The following NPHS1 variants were observed in gnomAD, a reference collection of about 807,000 sequenced individuals.
NPHS1 encodes the protein nephrin.
In NPHS1, 107 loss-of-function variants were observed where a neutral mutation model predicts 139.7. The observed-to-expected ratio is 0.77, with a 90% CI of 0.66 to 0.90. NPHS1 has a LOEUF of 0.90. Ranked by LOEUF, NPHS1 falls within the 40% of genes least tolerant of loss-of-function variation. NPHS1 has a pLI of 0.00. For missense variants in NPHS1, 1,580 were observed against 1,654.2 expected, an observed-to-expected ratio of 0.96 and a Z score of 0.78; for synonymous variants, 707 against 706.6, an observed-to-expected ratio of 1.00 and a Z score of -0.01.
chr19:35,838,853 A>T (rs1973014077), intron 22 of NPHS1, among the ~76,000 whole-genome samples: 1 of 152,182 alleles, frequency 6.6e-6, no homozygotes, highest in Non-Finnish European at 1.5e-5. Flanking sequence ...ATCTCAAAAA[A>T]ATAAAAAAAA....
Position 35,839,418 on chromosome 19 carries a change from C to A in NPHS1, c.2928G>T (p.Arg976Ser), listed in dbSNP as rs138656762. The A allele has an allele frequency of 4.8e-5, 77 of 1,614,112 alleles. No individual in the cohort carries two copies. Among genetic ancestry groups the A allele is most frequent in the Admixed American group, 1.3e-4 (8 of 60,024 alleles). The stretch of plus-strand genomic sequence containing the variant: ...ACCCTGGAGTCCCCAGGGCCTCATA[C>A]CTGCAGGACAGGGGGATAGTAAATT... ...DGGLPQRFCI[R>S]YEALGTPGFH... The change falls in exon 22 of 29, where the codon AGG (arginine) becomes AGT (serine). Residue 976 changes from arginine (R) to serine (S), a missense_variant and splice_region_variant. Transcript: ENST00000378910.
At position 35,849,347 on chromosome 19, in the gene NPHS1, A is replaced by G. The variant is rs1267731770; in HGVS notation, c.729T>C (p.Pro243=). The G allele has an allele frequency of 6.2e-7, 1 of 1,612,266 alleles. No individual in the cohort carries two copies. Among genetic ancestry groups the G allele is most frequent in the Non-Finnish European group, 8.5e-7 (1 of 1,179,852 alleles). ...TVNVLFPPGP[P]VIEWPGLDEG... is the part of the protein sequence containing the mutation. Reference sequence around the variant, plus strand: ...CATCCAGGCCTGGCCACTCGATGACAGGGGGTCCTGGAGGGACTGGGGGAT... The same window carrying G: ...CATCCAGGCCTGGCCACTCGATGACGGGGGGTCCTGGAGGGACTGGGGGAT... The change falls in exon 7 of 29, where the codon CCT becomes CCC. Residue 243 remains proline (P), a synonymous_variant. Transcript: ENST00000378910.
rs772461570 is a variant in NPHS1, at chr19:35,848,115, G to A, written c.1366C>T (p.Arg456Trp). ...IEGPPEGQKL[R>W]AGTRVRLVCL... ...ACCAGCCTCACCCGGGTCCCAGCCC[G>A]GAGCTTCTGGCCCTCTGGGGGACCC... The change falls in exon 11 of 29, where the codon CGG becomes TGG. Residue 456 changes from arginine (R) to tryptophan (W), a missense_variant. Arg to Trp is a moderately radical substitution (Grantham distance 101). Coordinates refer to ENST00000378910, the MANE Select transcript of NPHS1 (RefSeq NM_004646.4). 6.2e-6 allele frequency: 10 copies of A among 1,613,916 alleles called. No individual in the cohort carries two copies. Among genetic ancestry groups the A allele is most frequent in the East Asian group, 2.2e-5 (1 of 44,890 alleles).
rs2146818962 is a variant in NPHS1, at chr19:35,841,767, T to C, written c.2763A>G (p.Thr921=). ...AAQDYALFTC[T]ATNALGSDQT... ...GGTCCGAGCCAAGGGCGTTGGTGGC[T>C]GTACATGTGAAGAGGGCGTAATCCT... Residue 921 remains threonine (T), a synonymous_variant, in exon 20 of 29, where the codon ACA becomes ACG. Coordinates refer to ENST00000378910, the MANE Select transcript of NPHS1 (RefSeq NM_004646.4). The C allele has an allele frequency of 6.2e-7, 1 of 1,614,132 alleles. No homozygotes were observed. The highest frequency in any genetic ancestry group is 8.5e-7 in the Non-Finnish European group (1 of 1,180,040).
At chr19:35,850,902 A>G in intron 4 of NPHS1, 59 bp downstream of exon 4, 1 of 1,604,688 alleles carries the variant, frequency 6.2e-7, no homozygotes, top group Non-Finnish European at 8.5e-7. Flanking sequence ...AGGAACACAC[A>G]CCCTTCCCAC....
In NPHS1 at chr19:35,852,246, T is replaced by C. The variant is rs1158191647; in HGVS notation, c.-409A>G. On this transcript the variant is annotated 5_prime_UTR_variant, in exon 1 of 29. Coordinates refer to ENST00000378910, the MANE Select transcript of NPHS1 (RefSeq NM_004646.4). Reference sequence around the variant, plus strand: ...GCCCAGTCTCTTTATCTTTCCATCTTTCTCTCCTTGTCTAAGCCGTTCTCT... The same window carrying C: ...GCCCAGTCTCTTTATCTTTCCATCTCTCTCTCCTTGTCTAAGCCGTTCTCT... 6.6e-6 allele frequency among the ~76,000 whole-genome samples: 1 copy of C among 151,784 alleles called. No homozygotes were observed. Among genetic ancestry groups the C allele is most frequent in the Non-Finnish European group, 1.5e-5 (1 of 67,922 alleles).
rs758318599 is a variant in NPHS1 at position 35,830,862 on chromosome 19, G to C, written c.3576C>G (p.Leu1192=). 2.5e-6 allele frequency: 4 copies of C among 1,609,738 alleles called. No homozygotes were observed. Among genetic ancestry groups the C allele is most frequent in the Non-Finnish European group, 3.4e-6 (4 of 1,175,956 alleles). The change falls in exon 28 of 29, where the codon CTC becomes CTG. Residue 1192 remains leucine (L), a synonymous_variant. Transcript: ENST00000378910. ...TYPPSGAWGP[L]YDEVQMGPWD... is the part of the protein sequence containing the mutation. ...TTCTCACCATCTGCACTTCATCGTA[G>C]AGGGGTCCCCAGGCTCCAGACGGGG... is the stretch of plus-strand genomic sequence containing the variant.
intron 28 of NPHS1, among the ~76,000 whole-genome samples, chr19:35,827,938 A>T (rs1972819836): frequency 6.6e-6 from 1 of 152,124 alleles, no homozygotes; most frequent in African/African-American, 2.4e-5. Context: ...AATAAATAAA[A>T]TTTTTAAAAA....
At chr19:35,828,915 C>CCGGTAT in intron 28 of NPHS1, among the ~76,000 whole-genome samples, 1 of 152,170 alleles carries the variant, frequency 6.6e-6, no homozygotes, top group East Asian at 1.9e-4. Context: ...GACAACAGTC[C>CCGGTAT]CGGTATCGGA....
intron 8 of NPHS1, 25 bp from the exon 9 acceptor site, chr19:35,848,819 C>G: frequency 1.2e-6 from 2 of 1,614,158 alleles, no homozygotes; most frequent in South Asian, 1.1e-5. Flanking sequence ...AAGGAAGACA[C>G]TAAGCTGGGC....
Position 35,833,630 on chromosome 19 carries a change from C to T in NPHS1, c.3167-1868G>A, listed in dbSNP as rs73594460. Among the ~76,000 whole-genome samples the T allele has an allele frequency of 9.2e-3, 1,406 of 152,186 alleles. 17 individuals carry two copies. Among genetic ancestry groups the T allele is most frequent in the African/African-American group, 0.031 (1,306 of 41,542 alleles). ...AGTTGAGAGAGGGTGAGAAACAGAT[C>T]GCTGGTGAGATTTTTGAGCACCTGA... On this transcript the variant is annotated intron_variant, in intron 23 of 28. Coordinates refer to ENST00000378910, the MANE Select transcript of NPHS1 (RefSeq NM_004646.4).
At position 35,848,365 on chromosome 19, in the gene NPHS1, G is replaced by T. The variant is rs757402556; in HGVS notation, c.1203C>A (p.Asn401Lys). The T allele has an allele frequency of 6.2e-7, 1 of 1,614,012 alleles. No homozygotes were observed. Among genetic ancestry groups the T allele is most frequent in the African/African-American group, 1.3e-5 (1 of 74,896 alleles). Residue 401 changes from asparagine (N) to lysine (K), a missense_variant, in exon 10 of 29, where the codon AAC becomes AAA. By Grantham distance (94) the Asn-to-Lys change is moderately conservative. Coordinates refer to ENST00000378910, the MANE Select transcript of NPHS1 (RefSeq NM_004646.4). ...CCTCCCGCCGCGCCAGGAATGTCAG[G>T]TTGGACATGGAGATGTGACCGCCAT... is the stretch of plus-strand genomic sequence containing the variant. ...GLHGGHISMS[N>K]LTFLARREDN...
rs1973182432 is a variant in NPHS1 at position 35,848,728 on chromosome 19, G to C, written c.1079C>G (p.Ser360Cys). ...SQTENKNVTL[S>C]CVSKSSRPRV... Reference sequence around the variant, plus strand: ...CGGGCGACTGGACTTGCTGACACAGGAGAGTGTCACGTTCTTGTTCTCAGT... The same window carrying C: ...CGGGCGACTGGACTTGCTGACACAGCAGAGTGTCACGTTCTTGTTCTCAGT... The change falls in exon 9 of 29, where the codon TCC (serine) becomes TGC (cysteine). Residue 360 changes from serine to cysteine, a missense_variant. Coordinates refer to ENST00000378910, the MANE Select transcript of NPHS1 (RefSeq NM_004646.4). 6.2e-7 allele frequency: 1 copy of C among 1,614,038 alleles called. No individual in the cohort carries two copies. The highest frequency in any genetic ancestry group is 1.3e-5 in the African/African-American group (1 of 74,920).
rs778497725 is a variant in NPHS1 at position 35,839,376 on chromosome 19, G to A, written c.2970C>T (p.Val990=). The change falls in exon 22 of 29, where the codon GTC becomes GTT. Residue 990 remains valine (V), a synonymous_variant. Transcript: ENST00000378910. ...LGTPGFHYVD[V]VPPQATTFTL... The stretch of plus-strand genomic sequence containing the variant: ...TGAAGGTGGTGGCCTGGGGTGGTAC[G>A]ACATCCACATAGTGGAACCCTGGAG... 1.7e-5 allele frequency: 27 copies of A among 1,614,154 alleles called. No homozygotes were observed. The highest frequency in any genetic ancestry group is 8.8e-5 in the South Asian group (8 of 91,082).
At position 35,851,108 on chromosome 19, in the gene NPHS1, G is replaced by A. The variant is rs2146831394; in HGVS notation, c.398-19C>T. 6.2e-7 allele frequency: 1 copy of A among 1,614,090 alleles called. No homozygotes were observed. On this transcript the variant is annotated intron_variant, in intron 3 of 28. Transcript: ENST00000378910. Reference sequence around the variant, plus strand: ...GGAGGAACTGGTGAGAGAAGGGTCTGGGGTAAGCTTCCAGCACTGAGAAGG... The same window carrying A: ...GGAGGAACTGGTGAGAGAAGGGTCTAGGGTAAGCTTCCAGCACTGAGAAGG...
At chr19:35,839,076 A>G (rs1973016775) in intron 22 of NPHS1, among the ~76,000 whole-genome samples, 161 bp downstream of exon 22, 1 of 152,138 alleles carries the variant, frequency 6.6e-6, no homozygotes, top group South Asian at 2.1e-4. Flanking sequence ...CTGAGTTTCA[A>G]TCTCATCTTT....
Position 35,831,707 on chromosome 19 carries a change from G to A in NPHS1, c.3222C>T (p.Leu1074=). The A allele has an allele frequency of 6.3e-7, 1 of 1,599,772 alleles. No homozygotes were observed. Among genetic ancestry groups the A allele is most frequent in the South Asian group, 1.1e-5 (1 of 89,066 alleles). The change falls in exon 24 of 29, where the codon CTC becomes CTT. Residue 1074 remains leucine (L), a synonymous_variant. Coordinates refer to ENST00000378910, the MANE Select transcript of NPHS1 (RefSeq NM_004646.4). ...CCCCGACACAGGAGGCATTGGAGAG[G>A]AGCAGAAGCCCCCCAAGAGCGAACA... ...PVLFALGGLL[L]LSNASCVGGV... is the part of the protein sequence containing the mutation.
At chr19:35,846,431 G>T (rs897269159) in intron 11 of NPHS1, among the ~76,000 whole-genome samples, 3 of 152,168 alleles carry the variant, frequency 2.0e-5, no homozygotes, top group African/African-American at 7.2e-5. Flanking sequence ...GGCAGTTTTG[G>T]GGATCTGAAT....
At chr19:35,851,196 C>A in intron 3 of NPHS1, 66 bp downstream of exon 3, 2 of 1,613,290 alleles carry the variant, frequency 1.2e-6, no homozygotes, top group Non-Finnish European at 1.7e-6. Flanking sequence ...CTTGGACTTC[C>A]GGGTTGCGGG....
Sources: allele counts gnomAD v4.1 joint callset (sites outside exome capture counted in the v4.1 genomes callset), GRCh38; gene constraint gnomAD v4.1.1; transcripts MANE v1.5; gene names NCBI Gene and HGNC (gene_info 2026-07-23, HGNC 2026-07-21).